PDPK1: variants seen among roughly 807,000 people sequenced by gnomAD.
The protein encoded by PDPK1 is 3-phosphoinositide-dependent protein kinase 1.
Under a neutral mutation model 39.8 loss-of-function variants are expected in PDPK1, and 7 were observed. The observed-to-expected ratio is 0.18, with a 90% CI of 0.10 to 0.33. The LOEUF is 0.33. Among genes scored for constraint, PDPK1 ranks in the 10% least tolerant of loss-of-function variants. The pLI is 1.00. For synonymous variants in PDPK1, 118 were observed against 159.1 expected (o/e 0.74, Z 1.95); for missense variants, 182 against 384.7 (o/e 0.47, Z 4.41).
rs546919073 is a variant in PDPK1, at chr16:2,601,282, T to C, written c.*3515T>C. ...GAACAAATCGGTTTCTGATAAGCCATGTGTTCCAAAGAATGTCTGAATAAG... is the reference window on the plus strand; with the variant it reads ...GAACAAATCGGTTTCTGATAAGCCACGTGTTCCAAAGAATGTCTGAATAAG... On this transcript the variant is annotated 3_prime_UTR_variant, in exon 14 of 14. Transcript: ENST00000342085. 4 of 234,484 alleles carry C rather than the reference T, an allele frequency of 1.7e-5. No individual in the cohort carries two copies. In the East Asian group the frequency reaches 2.4e-4, roughly 14 times the overall value. The allele number at this position is 234,484 out of a possible 1,614,324, so 14.5% of individuals were successfully genotyped here. A position where few individuals can be genotyped will look rare whatever the true frequency, so the allele number is the denominator to read the frequency against.
Position 2,601,904 on chromosome 16 carries a change from G to A in PDPK1, c.*4137G>A, listed in dbSNP as rs977683283. 1 of 232,472 alleles carries A rather than the reference G, an allele frequency of 4.3e-6. No homozygotes were observed. Among genetic ancestry groups the A allele is most frequent in the African/African-American group, 2.2e-5 (1 of 45,072 alleles). The allele number at this position is 232,472 out of a possible 1,614,324, so 14.4% of individuals were successfully genotyped here. The stretch of plus-strand genomic sequence containing the variant: ...TTGGATTCTTCATTTCTCCACTGTA[G>A]TTGGGGTCCATTGATTGTGCAGGGG... On this transcript the variant is annotated 3_prime_UTR_variant, in exon 14 of 14. Coordinates refer to ENST00000342085, the MANE Select transcript of PDPK1 (RefSeq NM_002613.5).
chr16:2,595,704 G>A, intron 11 of PDPK1, 89 bp from the exon 12 acceptor site: 5 of 1,044,642 alleles, frequency 4.8e-6, no homozygotes, highest in Non-Finnish European at 7.6e-6. Context: ...GCAGGCCGAG[G>A]CTATGGGGAG....
In PDPK1 at chr16:2,542,144, A is replaced by G. The variant is rs552618727; in HGVS notation, c.24+4008A>G. On this transcript the variant is annotated intron_variant, in intron 1 of 13. Transcript: ENST00000342085. ...TACACATCCCTTATAAGAGCACCTG[A>G]TTCTGGTTTCTGTTTGTTTATTTAT... Among the ~76,000 whole-genome samples, 49 of 152,318 alleles carry G rather than the reference A, an allele frequency of 3.2e-4. No individual in the cohort carries two copies. In the South Asian group the frequency reaches 1.0e-2, roughly 31 times the overall value.
At chr16:2,592,830 CG>C (rs759381744) in intron 11 of PDPK1, 3 of 456,504 alleles carry the variant, frequency 6.6e-6, no homozygotes, top group Admixed American at 2.3e-5. Flanking sequence ...CCTGGGCCAC[CG>C]GGGAGTGGAA....
chr16:2,594,067 A>G (rs762593316), intron 11 of PDPK1: 3 of 152,232 alleles, frequency 2.0e-5, no homozygotes, highest in Non-Finnish European at 4.4e-5. Context: ...AGGCCTGGGC[A>G]CTGATCTGCC....
Position 2,597,782 on chromosome 16 carries a change from G to A in PDPK1, c.*15G>A, listed in dbSNP as rs375625632. ...CTGTGCAGTGACGTGGCCTGCGGCC[G>A]GGCTGCCCTTCGCTGCCAGGACACC... On this transcript the variant is annotated 3_prime_UTR_variant, in exon 14 of 14. Coordinates refer to ENST00000342085, the MANE Select transcript of PDPK1 (RefSeq NM_002613.5). The surrounding 1 kb of genome is among the most constrained non-coding windows in gnomAD (Gnocchi z 6.3). 1.5e-5 allele frequency: 24 copies of A among 1,577,026 alleles called. No individual in the cohort carries two copies. Among genetic ancestry groups the A allele is most frequent in the African/African-American group, 4.0e-5 (3 of 74,260 alleles).
At chr16:2,541,661 T>G (rs556444819) in intron 1 of PDPK1, among the ~76,000 whole-genome samples, 3 of 152,238 alleles carry the variant, frequency 2.0e-5, no homozygotes, top group Admixed American at 1.3e-4. Context: ...AGCACAGTTG[T>G]TTAGAAAGCA....
chr16:2,588,667 A>T (rs530905582), intron 11 of PDPK1, among the ~76,000 whole-genome samples: 3 of 152,000 alleles, frequency 2.0e-5, no homozygotes, highest in African/African-American at 7.2e-5. Flanking sequence ...CACTTCCTTC[A>T]GATTTTAGGT....
intron 1 of PDPK1, 97 bp downstream of exon 1, chr16:2,538,233 A>G: frequency 5.2e-6 from 3 of 579,394 alleles, no homozygotes; most frequent in Non-Finnish European, 6.7e-6. Context: ...CGGGGTCCCG[A>G]GGGCCGGGTG....
In PDPK1 at chr16:2,593,140, GCACGCCCGTGCCTGTGGCAT is replaced by G. The variant is rs1214766717; in HGVS notation, c.1344-2652_1344-2633del. ...GGTGCCGAGCGGGAGCACCACTCCTGCACGCCCGTGCCTGTGGCATGCCCAGATGATCAGGGTGGAGCGGC... is the reference window on the plus strand; with the variant it reads ...GGTGCCGAGCGGGAGCACCACTCCTGGCCCAGATGATCAGGGTGGAGCGGC... On this transcript the variant is annotated intron_variant, in intron 11 of 13. Transcript: ENST00000342085. This position sits in a 1 kb window ranked among gnomAD's most constrained non-coding sequence, Gnocchi z 4.2. 1 of 454,614 alleles carries G rather than the reference GCACGCCCGTGCCTGTGGCAT, an allele frequency of 2.2e-6. No individual in the cohort carries two copies. The highest frequency in any genetic ancestry group is 1.6e-5 in the South Asian group (1 of 64,470). The allele number at this position is 454,614 out of a possible 1,614,324, so 28.2% of individuals were successfully genotyped here.
chr16:2,584,901 T>C (rs1210168635), intron 10 of PDPK1, among the ~76,000 whole-genome samples: 3 of 152,200 alleles, frequency 2.0e-5, no homozygotes, highest in African/African-American at 7.2e-5. Context: ...CCACCCTGTG[T>C]GCCACTCAGC....
At chr16:2,542,882 G>A (rs1232785243) in intron 1 of PDPK1, among the ~76,000 whole-genome samples, 1 of 151,078 alleles carries the variant, frequency 6.6e-6, no homozygotes, top group African/African-American at 2.4e-5. Context: ...GCTGGAGAGG[G>A]CTGAGGAGAG....
At chr16:2,542,856 A>G (rs1464112964) in intron 1 of PDPK1, among the ~76,000 whole-genome samples, 1 of 151,644 alleles carries the variant, frequency 6.6e-6, no homozygotes, top group Non-Finnish European at 1.5e-5. Context: ...AGCTGGTGAC[A>G]GTGCCCTCTC....
Position 2,601,598 on chromosome 16 carries a change from G to T in PDPK1, c.*3831G>T. 1 of 234,212 alleles carries T rather than the reference G, an allele frequency of 4.3e-6. No homozygotes were observed. The highest frequency in any genetic ancestry group is 6.1e-5 in the East Asian group (1 of 16,526). 14.5% of individuals were successfully genotyped at this position (234,212 alleles called of 1,614,324 possible). A position where few individuals can be genotyped will look rare whatever the true frequency, so the allele number is the denominator to read the frequency against. ...GTAATTAAGTTTATAGACTCAGAAG[G>T]TATATTAGGACATTTGGAATCAGTA... is the stretch of plus-strand genomic sequence containing the variant. On this transcript the variant is annotated 3_prime_UTR_variant, in exon 14 of 14. Transcript: ENST00000342085.
At chr16:2,579,941 AAAAG>A (rs1338647804) in intron 7 of PDPK1, 3 of 142,120 alleles carry the variant, frequency 2.1e-5, no homozygotes, top group South Asian at 2.3e-4. Context: ...TCAAAAAAGA[AAAAG>A]AAAAAAGAAA....
chr16:2,546,557 C>G (rs2066351617), intron 1 of PDPK1, among the ~76,000 whole-genome samples: 1 of 152,190 alleles, frequency 6.6e-6, no homozygotes, highest in Non-Finnish European at 1.5e-5. Context: ...TGGTCTTGAA[C>G]TCCTGACCTC....
chr16:2,596,252 C>T lies in PDPK1; in HGVS notation c.1401+402C>T, dbSNP rs112535345. Among the ~76,000 whole-genome samples the T allele has an allele frequency of 8.5e-5, 13 of 152,278 alleles. 1 individual carries two copies. Among genetic ancestry groups the T allele is most frequent in the African/African-American group, 2.9e-4 (12 of 41,550 alleles). ...TGTCCCCCAGGCTAGAGTGCAGTGG[C>T]GCGATCTCGGCTCACTGCAAGCTCC... On this transcript the variant is annotated intron_variant, in intron 12 of 13. Coordinates refer to ENST00000342085, the MANE Select transcript of PDPK1 (RefSeq NM_002613.5).
intron 1 of PDPK1, among the ~76,000 whole-genome samples, chr16:2,547,259 G>T (rs938259529): frequency 6.8e-6 from 1 of 146,344 alleles, no homozygotes; most frequent in Admixed American, 6.6e-5. Flanking sequence ...GAGGGCGAGC[G>T]CTAGGTTCGT....
Position 2,599,883 on chromosome 16 carries a change from C to T in PDPK1, c.*2116C>T, listed in dbSNP as rs1180999098. 4.3e-6 allele frequency: 1 copy of T among 233,516 alleles called. No homozygotes were observed. The highest frequency in any genetic ancestry group is 2.2e-5 in the African/African-American group (1 of 45,370). The allele number at this position is 233,516 out of a possible 1,614,324, so 14.5% of individuals were successfully genotyped here. ...GGGGAGACTCTTCCGTGCGTTCTTC[C>T]TCTGGATAGAACCACCACCTCCTGG... On this transcript the variant is annotated 3_prime_UTR_variant, in exon 14 of 14. Coordinates refer to ENST00000342085, the MANE Select transcript of PDPK1 (RefSeq NM_002613.5).
Sources: gnomAD v4.1 joint callset for allele counts (sites outside exome capture counted in the v4.1 genomes callset) on GRCh38, gnomAD v4.1.1 for gene constraint, Gnocchi (gnomAD v3.1) non-coding constraint, MANE v1.5 for transcripts, NCBI Gene and HGNC (gene_info 2026-07-23, HGNC 2026-07-21) for gene names.